RUBCN: variants seen among roughly 807,000 people sequenced by gnomAD.
The protein encoded by RUBCN is run domain Beclin-1-interacting and cysteine-rich domain-containing protein.
Under a neutral mutation model 113.2 loss-of-function variants are expected in RUBCN, and 74 were observed. That is an observed-to-expected ratio of 0.65 (90% CI 0.54 to 0.79). The LOEUF is 0.79. Ranked by LOEUF, RUBCN falls within the 30% of genes least tolerant of loss-of-function variation. RUBCN has a pLI of 0.00. For missense variants in RUBCN, 1,109 were observed against 1,251.7 expected, an observed-to-expected ratio of 0.89 and a Z score of 1.72; for synonymous variants, 480 against 490.0, an observed-to-expected ratio of 0.98 and a Z score of 0.27.
At chr3:197,694,237 G>A (rs775835343) in intron 10 of RUBCN, 138 bp downstream of exon 10, 94 of 830,556 alleles carry the variant, frequency 1.1e-4, no homozygotes, top group Non-Finnish European at 1.8e-4. Flanking sequence ...ACTCTAGGAT[G>A]AGTATTCCTA....
chr3:197,701,803 G>C lies in RUBCN; in HGVS notation c.632C>G (p.Pro211Arg). The C allele has an allele frequency of 6.2e-7, 1 of 1,614,160 alleles. No homozygotes were observed. Among genetic ancestry groups the C allele is most frequent in the Non-Finnish European group, 8.5e-7 (1 of 1,179,990 alleles). The change falls in exon 6 of 20, where the codon CCC (proline) becomes CGC (arginine). Residue 211 changes from proline (P) to arginine (R), a missense_variant. By Grantham distance (103) the Pro-to-Arg change is moderately radical (BLOSUM62 -2). Around this residue, in one of 3 missense-constraint regions of RUBCN, gnomAD observed 736 missense variants for 779.6 expected, o/e 0.94. Transcript: ENST00000296343. ...GTTTGGAGGGGTGTATGTGGAACTG[G>C]GCAGGGCTGTCAGGCTCTGGCTCTT... ...VTKSQSLTALPSSTYTPPNSY... is the reference protein window; with the variant it reads ...VTKSQSLTALRSSTYTPPNSY...
At chr3:197,744,577 T>C (rs1219802721) in intron 1 of RUBCN, among the ~76,000 whole-genome samples, 8 of 152,186 alleles carry the variant, frequency 5.3e-5, no homozygotes, top group African/African-American at 1.9e-4. Flanking sequence ...GCTTTCCCTC[T>C]GGGGTTGGGA....
rs966820018 is a variant in RUBCN, at chr3:197,673,430, C to A, written c.*1588G>T. The A allele has an allele frequency of 2.6e-5, 4 of 152,378 alleles. No homozygotes were observed. Among genetic ancestry groups the A allele is most frequent in the Admixed American group, 6.5e-5 (1 of 15,280 alleles). The allele number at this position is 152,378 out of a possible 1,614,324, so 9.4% of individuals were successfully genotyped here. On this transcript the variant is annotated 3_prime_UTR_variant, in exon 20 of 20. Coordinates refer to ENST00000296343, the MANE Select transcript of RUBCN (RefSeq NM_014687.4). Reference sequence around the variant, plus strand: ...TTTCCGCTCAGCTTCCAGGGCAGCACCCACGCCCATTTCTTTCCTACCAGC... The same window carrying A: ...TTTCCGCTCAGCTTCCAGGGCAGCAACCACGCCCATTTCTTTCCTACCAGC...
intron 8 of RUBCN, among the ~76,000 whole-genome samples, chr3:197,696,413 T>C (rs938091182): frequency 6.6e-6 from 1 of 151,960 alleles, no homozygotes; most frequent in Admixed American, 6.6e-5. Context: ...TCTTGGACTC[T>C]TAGAATCCCA....
chr3:197,680,009 T>C lies in RUBCN; in HGVS notation c.2430+1120A>G, dbSNP rs1182608076. The stretch of plus-strand genomic sequence containing the variant: ...TGACAACTGGCTTCAGATTGTCCTG[T>C]GCTCTGACAACTGGCTTCAGACTGT... On this transcript the variant is annotated intron_variant, in intron 16 of 19. Transcript: ENST00000296343. Among the ~76,000 whole-genome samples the C allele has an allele frequency of 2.3e-3, 301 of 131,568 alleles. 3 individuals carry two copies. The highest frequency in any genetic ancestry group is 4.2e-3 in the Non-Finnish European group (258 of 62,088). 86.3% of individuals were successfully genotyped at this position (131,568 alleles called of 152,430 possible).
intron 1 of RUBCN, among the ~76,000 whole-genome samples, chr3:197,730,787 C>G (rs1727337731): frequency 6.6e-6 from 1 of 150,874 alleles, no homozygotes; most frequent in Non-Finnish European, 1.5e-5. Context: ...AGCAAGGAGC[C>G]AGCAAGTCTA....
chr3:197,677,611 AG>A, intron 16 of RUBCN, 70 bp from the exon 17 acceptor site: 1 of 1,435,186 alleles, frequency 7.0e-7, no homozygotes, highest in Non-Finnish European at 9.8e-7. Context: ...TGGGAAGCCC[AG>A]GGCCTTTAAA....
Position 197,683,250 on chromosome 3 carries a change from A to G in RUBCN, c.1980+57T>C. 1.2e-6 allele frequency: 2 copies of G among 1,609,676 alleles called. No individual in the cohort carries two copies. The highest frequency in any genetic ancestry group is 2.2e-5 in the South Asian group (2 of 90,954). ...GACTAGGGACATGTGACGAAGGAAAACAAGGTCACAGAGGCTCACGATGGC... is the reference window on the plus strand; with the variant it reads ...GACTAGGGACATGTGACGAAGGAAAGCAAGGTCACAGAGGCTCACGATGGC... On this transcript the variant is annotated intron_variant, in intron 13 of 19. Coordinates refer to ENST00000296343, the MANE Select transcript of RUBCN (RefSeq NM_014687.4). This position sits in a 1 kb window ranked among gnomAD's most constrained non-coding sequence, Gnocchi z 4.6.
Position 197,708,432 on chromosome 3 carries a change from G to A in RUBCN, c.220-3257C>T, listed in dbSNP as rs533799336. 2.4e-4 allele frequency among the ~76,000 whole-genome samples: 37 copies of A among 151,880 alleles called. No homozygotes were observed. The East Asian group carries it at 6.0e-3, about 25-fold the overall frequency. ...ATTACAGGCGTAAGCCACCACACCC[G>A]GCCTATATGTAAACAACTTGAACAT... On this transcript the variant is annotated intron_variant, in intron 2 of 19. Transcript: ENST00000296343.
At chr3:197,728,647 T>C (rs1178933887) in intron 1 of RUBCN, among the ~76,000 whole-genome samples, 4 of 152,174 alleles carry the variant, frequency 2.6e-5, no homozygotes, top group African/African-American at 7.2e-5. Flanking sequence ...ACCAACTATA[T>C]GTCAGGCACT....
Position 197,672,154 on chromosome 3 carries a change from T to G in RUBCN, c.*2864A>C, listed in dbSNP as rs935520068. The G allele has an allele frequency of 6.6e-6, 1 of 152,210 alleles. No individual in the cohort carries two copies. Among genetic ancestry groups the G allele is most frequent in the Non-Finnish European group, 1.5e-5 (1 of 68,024 alleles). 9.4% of individuals were successfully genotyped at this position (152,210 alleles called of 1,614,324 possible). A position where few individuals can be genotyped will look rare whatever the true frequency, so the allele number is the denominator to read the frequency against. On this transcript the variant is annotated 3_prime_UTR_variant, in exon 20 of 20. Transcript: ENST00000296343. Reference sequence around the variant, plus strand: ...ATGTTAGTTCAACGAAAGCTCTAAATCCTTGGCAGAGAACGTCAAAAACAG... The same window carrying G: ...ATGTTAGTTCAACGAAAGCTCTAAAGCCTTGGCAGAGAACGTCAAAAACAG...
chr3:197,693,938 AG>A, intron 10 of RUBCN, 122 bp from the exon 11 acceptor site: 3 of 726,926 alleles, frequency 4.1e-6, no homozygotes, highest in Non-Finnish European at 7.3e-6. Context: ...CTTTCCCTTT[AG>A]AAAGTTTCAA....
intron 6 of RUBCN, 108 bp downstream of exon 6, chr3:197,701,600 A>C: frequency 1.0e-6 from 1 of 1,000,648 alleles, no homozygotes; most frequent in Non-Finnish European, 1.6e-6. Context: ...TATTAAGAAA[A>C]ACTACCAACC....
chr3:197,736,750 G>A lies in RUBCN; in HGVS notation c.-31C>T, dbSNP rs1728183807. ...GCGGTGAGGCCGCCTCTTCGCCCAAGAGAGGCGTCCCTGCCGCTTCGCCCT... is the reference window on the plus strand; with the variant it reads ...GCGGTGAGGCCGCCTCTTCGCCCAAAAGAGGCGTCCCTGCCGCTTCGCCCT... On this transcript the variant is annotated 5_prime_UTR_variant, in exon 1 of 20. Transcript: ENST00000296343. 1 of 1,527,628 alleles carries A rather than the reference G, an allele frequency of 6.5e-7. No homozygotes were observed. The highest frequency in any genetic ancestry group is 8.7e-7 in the Non-Finnish European group (1 of 1,144,108). 94.6% of individuals were successfully genotyped at this position (1,527,628 alleles called of 1,614,324 possible). A position where few individuals can be genotyped will look rare whatever the true frequency, so the allele number is the denominator to read the frequency against.
intron 1 of RUBCN, among the ~76,000 whole-genome samples, chr3:197,721,435 T>C (rs914452846): frequency 9.2e-5 from 14 of 152,252 alleles, no homozygotes; most frequent in Non-Finnish European, 1.9e-4. Flanking sequence ...TTCATAGTTC[T>C]GTGCTGTCAG....
In RUBCN at chr3:197,700,896, G is replaced by A. The variant is rs1187769288; in HGVS notation, c.978C>T (p.Ala326=). 2 of 1,614,170 alleles carry A rather than the reference G, an allele frequency of 1.2e-6. No homozygotes were observed. Among genetic ancestry groups the A allele is most frequent in the Admixed American group, 1.7e-5 (1 of 60,014 alleles). ...GDASEGPEYL[A]IGNLDPRGRT... ...GGCCTCGGGGGTCCAAGTTGCCAATGGCCAGGTACTCAGGCCCCTCACTGG... is the reference window on the plus strand; with the variant it reads ...GGCCTCGGGGGTCCAAGTTGCCAATAGCCAGGTACTCAGGCCCCTCACTGG... The change falls in exon 7 of 20, where the codon GCC becomes GCT. Residue 326 remains alanine, a synonymous_variant. Transcript: ENST00000296343.
rs1050754270 is a variant in RUBCN, at chr3:197,721,098, C to G, written c.66-2968G>C. On this transcript the variant is annotated intron_variant, in intron 1 of 19. Transcript: ENST00000296343. Reference sequence around the variant, plus strand: ...TTTTTCCTCTTGTGCCCCTCTGTAGCTTTGGTATCATGATAATGTTGGCCT... The same window carrying G: ...TTTTTCCTCTTGTGCCCCTCTGTAGGTTTGGTATCATGATAATGTTGGCCT... Among the ~76,000 whole-genome samples, 15 of 152,192 alleles carry G rather than the reference C, an allele frequency of 9.9e-5. No homozygotes were observed. In the East Asian group the frequency reaches 1.7e-3, roughly 18 times the overall value.
chr3:197,693,050 T>C, intron 11 of RUBCN, among the ~76,000 whole-genome samples: 1 of 151,778 alleles, frequency 6.6e-6, no homozygotes, highest in South Asian at 2.1e-4. Flanking sequence ...CTGAACTGTT[T>C]TTTTGTTTGT....
chr3:197,742,290 C>T (rs1283828086), intron 1 of RUBCN, among the ~76,000 whole-genome samples: 1 of 152,082 alleles, frequency 6.6e-6, no homozygotes, highest in Non-Finnish European at 1.5e-5. Context: ...GTCAGAAGTT[C>T]GAGGCCAGCC....
Sources: allele counts gnomAD v4.1 joint callset (sites outside exome capture counted in the v4.1 genomes callset), GRCh38; gene constraint gnomAD v4.1.1; regional missense constraint gnomAD v4.1.1; non-coding constraint Gnocchi (gnomAD v3.1); transcripts MANE v1.5; gene names NCBI Gene and HGNC (gene_info 2026-07-23, HGNC 2026-07-21).